BAZ2B: variants seen among roughly 807,000 people sequenced by gnomAD.
The protein encoded by BAZ2B is bromodomain adjacent to zinc finger domain protein 2B.
A neutral mutation model predicts 246.0 loss-of-function variants in BAZ2B; 91 were observed. The ratio of observed to expected loss-of-function variants is 0.37; its 90% CI spans 0.31 to 0.44. The LOEUF is 0.44. Among genes scored for constraint, BAZ2B ranks in the 20% least tolerant of loss-of-function variants. The pLI is 1.00. For missense variants in BAZ2B, 2,332 were observed against 2,533.7 expected (o/e 0.92, Z 1.71); for synonymous variants, 855 against 860.0 (o/e 0.99, Z 0.10).
chr2:159,592,088 C>T (rs1222418140), intron 1 of BAZ2B, among the ~76,000 whole-genome samples: 1 of 151,662 alleles, frequency 6.6e-6, no homozygotes, highest in African/African-American at 2.4e-5. Context: ...CCACCAAACT[C>T]CAGCCTGGGC....
intron 5 of BAZ2B, among the ~76,000 whole-genome samples, chr2:159,447,850 C>A (rs963049281): frequency 6.6e-5 from 10 of 152,150 alleles, no homozygotes; most frequent in African/African-American, 2.4e-4. Flanking sequence ...TGGTGGCCTA[C>A]GCTTGTGATC....
rs1455452601 is a variant in BAZ2B, at chr2:159,616,347, T to C, written c.-151A>G. On this transcript the variant is annotated 5_prime_UTR_variant, in exon 1 of 37. Coordinates refer to ENST00000392783, the MANE Select transcript of BAZ2B (RefSeq NM_013450.4). Reference sequence around the variant, plus strand: ...CCCCACCACCTCCTTATTTCTATTATTATTTCTGCAAGAAAAGTATAAAGA... The same window carrying C: ...CCCCACCACCTCCTTATTTCTATTACTATTTCTGCAAGAAAAGTATAAAGA... 1.3e-5 allele frequency: 2 copies of C among 152,348 alleles called. No homozygotes were observed. The highest frequency in any genetic ancestry group is 6.5e-5 in the Admixed American group (1 of 15,304). 9.4% of individuals were successfully genotyped at this position (152,348 alleles called of 1,614,324 possible).
intron 2 of BAZ2B, among the ~76,000 whole-genome samples, chr2:159,543,113 G>C (rs2151392914): frequency 6.6e-6 from 1 of 152,276 alleles, no homozygotes; most frequent in East Asian, 1.9e-4. Context: ...ATGACAGGGT[G>C]CCTGGCACAT....
At chr2:159,581,157 C>T (rs1045332581) in intron 1 of BAZ2B, among the ~76,000 whole-genome samples, 12 of 151,992 alleles carry the variant, frequency 7.9e-5, no homozygotes, top group African/African-American at 2.7e-4. Context: ...AAAATTTTTA[C>T]GATCTACCCA....
the BAZ2B span, among the ~76,000 whole-genome samples, chr2:159,661,128 C>G: frequency 6.6e-6 from 1 of 152,148 alleles, no homozygotes; most frequent in African/African-American, 2.4e-5. Flanking sequence ...AACTAACAAT[C>G]TATTTCTTGC....
At chr2:159,318,587 C>A (rs2148694170), downstream of BAZ2B, among the ~76,000 whole-genome samples, 1 of 152,340 alleles carries the variant, frequency 6.6e-6, no homozygotes, top group South Asian at 2.1e-4. Context: ...CCCAGCAGGG[C>A]AGCAAATTGC....
At chr2:159,556,227 G>A (rs1196721317) in intron 1 of BAZ2B, among the ~76,000 whole-genome samples, 1 of 152,106 alleles carries the variant, frequency 6.6e-6, no homozygotes, top group Non-Finnish European at 1.5e-5. Context: ...GTCACAAACT[G>A]AAGACAATTA....
At chr2:159,450,262 C>T (rs1280876960) in intron 4 of BAZ2B, among the ~76,000 whole-genome samples, 1 of 151,822 alleles carries the variant, frequency 6.6e-6, no homozygotes, top group African/African-American at 2.4e-5. Context: ...GTAATCCTCA[C>T]TACTCGGGAG....
intron 27 of BAZ2B, among the ~76,000 whole-genome samples, chr2:159,366,697 G>A (rs940576039): frequency 1.4e-4 from 22 of 152,198 alleles, no homozygotes; most frequent in African/African-American, 5.3e-4. Context: ...AGTAATATTA[G>A]AGAATTGCAT....
At chr2:159,634,815 G>C in the BAZ2B span, among the ~76,000 whole-genome samples, 1 of 152,152 alleles carries the variant, frequency 6.6e-6, no homozygotes, top group South Asian at 2.1e-4. Context: ...TTGTTTAAAA[G>C]ATAGTCAATG....
At chr2:159,610,054 G>A (rs748638124) in intron 1 of BAZ2B, among the ~76,000 whole-genome samples, 4 of 151,992 alleles carry the variant, frequency 2.6e-5, no homozygotes, top group African/African-American at 7.2e-5. Context: ...CCGAACTATT[G>A]GCATTTCATG....
intron 1 of BAZ2B, among the ~76,000 whole-genome samples, chr2:159,613,944 CTG>C (rs370556567): frequency 6.6e-5 from 10 of 152,276 alleles, no homozygotes; most frequent in African/African-American, 2.4e-4. Flanking sequence ...ACATAAATTT[CTG>C]TGTGTTACAC....
At chr2:159,432,132 A>T (rs1576965077) in intron 9 of BAZ2B, among the ~76,000 whole-genome samples, 1 of 152,304 alleles carries the variant, frequency 6.6e-6, no homozygotes, top group African/African-American at 2.4e-5. Context: ...CAAATCCACA[A>T]ACATTTATAA....
chr2:159,568,491 T>C (rs1191616647), intron 1 of BAZ2B, among the ~76,000 whole-genome samples: 5 of 152,070 alleles, frequency 3.3e-5, no homozygotes, highest in East Asian at 1.9e-4. Flanking sequence ...AATTTAACTA[T>C]AAATTATTTA....
At chr2:159,340,496 A>G (rs974947216) in intron 31 of BAZ2B, among the ~76,000 whole-genome samples, 5 of 152,190 alleles carry the variant, frequency 3.3e-5, no homozygotes, top group African/African-American at 1.2e-4. Context: ...TCACCCTGTA[A>G]GAAGTCAAAA....
chr2:159,622,031 G>A, the BAZ2B span, among the ~76,000 whole-genome samples: 35 of 151,920 alleles, frequency 2.3e-4, no homozygotes, highest in Non-Finnish European at 3.8e-4. Flanking sequence ...GCTTGAAACC[G>A]GGAGGCGGAG....
intron 31 of BAZ2B, among the ~76,000 whole-genome samples, chr2:159,346,991 A>G (rs1417028894): frequency 1.3e-5 from 2 of 152,190 alleles, no homozygotes; most frequent in African/African-American, 4.8e-5. Context: ...TCTATAACAT[A>G]TATTTGGATA....
chr2:159,394,043 G>T (rs1378590073), intron 20 of BAZ2B, among the ~76,000 whole-genome samples: 2 of 151,968 alleles, frequency 1.3e-5, no homozygotes, highest in African/African-American at 4.8e-5. Flanking sequence ...TATGCCTAAA[G>T]ATAACGTTCT....
At chr2:159,666,925 G>A in the BAZ2B span, among the ~76,000 whole-genome samples, 1 of 151,926 alleles carries the variant, frequency 6.6e-6, no homozygotes, top group Non-Finnish European at 1.5e-5. Flanking sequence ...ACCAGGGCCT[G>A]TTGGGGGTGG....
Sources: allele counts gnomAD v4.1 joint callset (sites outside exome capture counted in the v4.1 genomes callset), GRCh38; gene constraint gnomAD v4.1.1; transcripts MANE v1.5; gene names NCBI Gene and HGNC (gene_info 2026-07-23, HGNC 2026-07-21).